SYT1: variants seen among roughly 807,000 people sequenced by gnomAD.
The protein encoded by SYT1 is synaptotagmin-1.
SYT1 carries 8 observed loss-of-function variants against 44.8 expected under a neutral mutation model. The ratio of observed to expected loss-of-function variants is 0.18; its 90% CI spans 0.10 to 0.32. The LOEUF is 0.32. Among genes scored for constraint, SYT1 ranks in the 10% least tolerant of loss-of-function variants. The probability of loss-of-function intolerance (pLI) is 1.00; values close to 1 mark genes in which losing one functional copy is unlikely to be tolerated. For synonymous variants in SYT1, 154 were observed against 188.8 expected (o/e 0.82, Z 1.51); for missense variants, 286 against 509.3 (o/e 0.56, Z 4.22).
At chr12:78,879,574 TG>T (rs1026480563) in intron 1 of SYT1, among the ~76,000 whole-genome samples, 3 of 151,800 alleles carry the variant, frequency 2.0e-5, no homozygotes, top group African/African-American at 7.2e-5. Flanking sequence ...TCTAGAAACC[TG>T]GGAGTTATAC....
intron 9 of SYT1, among the ~76,000 whole-genome samples, chr12:79,431,352 G>A (rs888030854): frequency 6.6e-6 from 1 of 151,918 alleles, no homozygotes; most frequent in African/African-American, 2.4e-5. Flanking sequence ...AAATATTATT[G>A]TATTTTTTAC....
At chr12:79,336,024 A>C (rs2139029062) in intron 8 of SYT1, among the ~76,000 whole-genome samples, 1 of 152,350 alleles carries the variant, frequency 6.6e-6, no homozygotes, top group East Asian at 1.9e-4. Flanking sequence ...CCTGTGTTAC[A>C]GTCTTGAAGA....
chr12:79,125,451 CAA>C (rs61296536), intron 3 of SYT1, among the ~76,000 whole-genome samples: 6 of 98,992 alleles, frequency 6.1e-5, no homozygotes, highest in Non-Finnish European at 6.2e-5. Flanking sequence ...ACTGTCTCTA[CAA>C]AAAAAAAAAA....
At chr12:79,185,821 C>A (rs150979318) in intron 3 of SYT1, among the ~76,000 whole-genome samples, 21 of 151,962 alleles carry the variant, frequency 1.4e-4, no homozygotes, top group African/African-American at 5.1e-4. Context: ...AAAATATGTC[C>A]TATATTTCCA....
chr12:79,428,146 T>C (rs1565953654), intron 9 of SYT1, among the ~76,000 whole-genome samples: 1 of 152,134 alleles, frequency 6.6e-6, no homozygotes, highest in Non-Finnish European at 1.5e-5. Context: ...TAAGTCTTCA[T>C]AGATAAATTG....
intron 3 of SYT1, among the ~76,000 whole-genome samples, chr12:79,189,183 C>T (rs1294077843): frequency 1.3e-5 from 2 of 152,148 alleles, no homozygotes; most frequent in African/African-American, 4.8e-5. Flanking sequence ...TTAGGAGGCT[C>T]AAGCTATTTC....
chr12:78,870,582 T>G (rs1308677451), intron 1 of SYT1, among the ~76,000 whole-genome samples: 1 of 152,098 alleles, frequency 6.6e-6, no homozygotes, highest in Non-Finnish European at 1.5e-5. Context: ...ATTGCTTACA[T>G]GAGAAGTATA....
At chr12:79,425,915 C>G (rs1373964889) in intron 9 of SYT1, among the ~76,000 whole-genome samples, 1 of 152,094 alleles carries the variant, frequency 6.6e-6, no homozygotes, top group African/African-American at 2.4e-5. Flanking sequence ...GAGAGCTTTT[C>G]CATGTAACTC....
intron 8 of SYT1, among the ~76,000 whole-genome samples, chr12:79,309,115 C>G (rs1592952276): frequency 1.3e-5 from 2 of 152,292 alleles, no homozygotes; most frequent in East Asian, 3.9e-4. Context: ...TCCTGGCTGT[C>G]TGTGTGATAG....
At chr12:79,437,872 AT>A (rs1555225696) in intron 9 of SYT1, among the ~76,000 whole-genome samples, 1 of 152,186 alleles carries the variant, frequency 6.6e-6, no homozygotes, top group Non-Finnish European at 1.5e-5. Context: ...TGTTAAAATA[AT>A]GTCAAATCTG....
Position 79,448,965 on chromosome 12 carries a change from G to C in SYT1, c.1110G>C (p.Lys370Asn). 6.2e-7 allele frequency: 1 copy of C among 1,614,202 alleles called. No individual in the cohort carries two copies. The highest frequency in any genetic ancestry group is 8.5e-7 in the Non-Finnish European group (1 of 1,180,020). ...TTTTGGACTATGACAAGATTGGCAA[G>C]AACGATGCCATCGGCAAAGTCTTTG... ...VTVLDYDKIGKNDAIGKVFVG... is the reference protein window; with the variant it reads ...VTVLDYDKIGNNDAIGKVFVG... Residue 370 changes from lysine to asparagine, a missense_variant, in exon 11 of 11, where the codon AAG becomes AAC. Lys to Asn is a moderately conservative substitution (Grantham distance 94). Around this residue, in one of 6 missense-constraint regions of SYT1, gnomAD observed 1 missense variants for 18.9 expected, o/e 0.05. Coordinates refer to ENST00000261205, the MANE Select transcript of SYT1 (RefSeq NM_005639.3).
chr12:79,336,791 G>A (rs1882110146), intron 8 of SYT1, among the ~76,000 whole-genome samples: 1 of 151,820 alleles, frequency 6.6e-6, no homozygotes, highest in South Asian at 2.1e-4. Flanking sequence ...CACCATGCTG[G>A]GCCAATTATT....
intron 3 of SYT1, among the ~76,000 whole-genome samples, chr12:79,212,537 T>G (rs1874524397): frequency 6.6e-6 from 1 of 152,194 alleles, no homozygotes; most frequent in Admixed American, 6.5e-5. Flanking sequence ...TGGACTTTCT[T>G]TTAGAAGATA....
intron 4 of SYT1, among the ~76,000 whole-genome samples, chr12:79,248,073 G>A (rs1876959527): frequency 6.6e-6 from 1 of 152,202 alleles, no homozygotes; most frequent in Non-Finnish European, 1.5e-5. Context: ...ATTTGACCCA[G>A]TTGGCACAGT....
intron 9 of SYT1, among the ~76,000 whole-genome samples, chr12:79,386,486 T>C (rs887138020): frequency 6.6e-6 from 1 of 152,146 alleles, no homozygotes; most frequent in African/African-American, 2.4e-5. Context: ...TTTCTCTTAA[T>C]GCTATCCCTC....
chr12:78,914,593 A>C (rs1038513609), intron 1 of SYT1, among the ~76,000 whole-genome samples: 1 of 151,976 alleles, frequency 6.6e-6, no homozygotes, highest in Non-Finnish European at 1.5e-5. Context: ...AGAGAGACAG[A>C]TGTTTCCACT....
chr12:79,339,391 G>A (rs1179904723), intron 8 of SYT1, among the ~76,000 whole-genome samples: 1 of 152,184 alleles, frequency 6.6e-6, no homozygotes, highest in Non-Finnish European at 1.5e-5. Context: ...ATCTCATTGT[G>A]GTTTTGATTT....
At chr12:78,989,368 C>G (rs1869865706) in intron 2 of SYT1, among the ~76,000 whole-genome samples, 1 of 151,988 alleles carries the variant, frequency 6.6e-6, no homozygotes, top group Non-Finnish European at 1.5e-5. Context: ...TGTTATGTCA[C>G]TTTATTATAT....
chr12:79,272,895 CACAG>C (rs971833852), intron 4 of SYT1, among the ~76,000 whole-genome samples: 1 of 151,948 alleles, frequency 6.6e-6, no homozygotes, highest in African/African-American at 2.4e-5. Context: ...TTTCTAATAC[CACAG>C]ACAGTGTTGT....
Sources: allele counts gnomAD v4.1 joint callset (sites outside exome capture counted in the v4.1 genomes callset), GRCh38; gene constraint gnomAD v4.1.1; regional missense constraint gnomAD v4.1.1; transcripts MANE v1.5; gene names NCBI Gene and HGNC (gene_info 2026-07-23, HGNC 2026-07-21).